The following USP5 variants were observed in gnomAD, a reference collection of about 807,000 sequenced individuals.
The protein encoded by USP5 is ubiquitin specific peptidase 5.
A neutral mutation model predicts 102.5 loss-of-function variants in USP5; 24 were observed. The ratio of observed to expected loss-of-function variants is 0.23; its 90% CI spans 0.17 to 0.33. USP5 has a LOEUF of 0.33. Among genes scored for constraint, USP5 ranks in the 10% least tolerant of loss-of-function variants. USP5 has a pLI of 1.00. For synonymous variants in USP5, 460 were observed against 434.8 expected (o/e 1.06, Z -0.72); for missense variants, 753 against 1,122.1 (o/e 0.67, Z 4.70).
In USP5 at chr12:6,865,923, A is replaced by G. The variant is rs980209494; in HGVS notation, c.2484-61A>G. On this transcript the variant is annotated intron_variant, in intron 19 of 19. Transcript: ENST00000229268. ...TTCCAGGGGCCATGTCTGAGAGACT[A>G]CATGATGCCACTTTGAATGCCCAGT... 1.4e-5 allele frequency: 20 copies of G among 1,452,182 alleles called. No homozygotes were observed. The African/African-American group carries it at 2.1e-4, about 15-fold the overall frequency. The allele number at this position is 1,452,182 out of a possible 1,614,324, so 90.0% of individuals were successfully genotyped here. A position where few individuals can be genotyped will look rare whatever the true frequency, so the allele number is the denominator to read the frequency against.
In USP5 at chr12:6,861,115, C is replaced by T; in HGVS notation, c.1498+9C>T. On this transcript the variant is annotated intron_variant, in intron 12 of 19. Transcript: ENST00000229268. This position sits in a 1 kb window ranked among gnomAD's most constrained non-coding sequence, Gnocchi z 4.9. The stretch of plus-strand genomic sequence containing the variant: ...TGCAGCCCTTAACAAAGGTAGGCTG[C>T]TCCATCAGCAAGGCCGTGGCACGGT... 2 of 1,613,774 alleles carry T rather than the reference C, an allele frequency of 1.2e-6. No individual in the cohort carries two copies. Among genetic ancestry groups the T allele is most frequent in the Non-Finnish European group, 1.7e-6 (2 of 1,179,798 alleles).
chr12:6,865,662 CGTT>C (rs1591612867), intron 19 of USP5, among the ~76,000 whole-genome samples: 1 of 152,180 alleles, frequency 6.6e-6, no homozygotes, highest in East Asian at 1.9e-4. Flanking sequence ...AAAGTTGAGT[CGTT>C]GTGTCAGAGA....
intron 1 of USP5, among the ~76,000 whole-genome samples, chr12:6,852,623 A>G (rs1943953168): frequency 1.3e-5 from 2 of 152,240 alleles, no homozygotes; most frequent in African/African-American, 4.8e-5. Flanking sequence ...AAAACCTGGC[A>G]GTCGGCCTTG....
At position 6,860,836 on chromosome 12, in the gene USP5, G is replaced by A. The variant is rs1345342038; in HGVS notation, c.1345-117G>A. The A allele has an allele frequency of 7.6e-6, 11 of 1,440,666 alleles. No individual in the cohort carries two copies. In the African/African-American group the frequency reaches 1.3e-4, roughly 17 times the overall value. The allele number at this position is 1,440,666 out of a possible 1,614,324, so 89.2% of individuals were successfully genotyped here. On this transcript the variant is annotated intron_variant, in intron 11 of 19. Coordinates refer to ENST00000229268, the MANE Select transcript of USP5 (RefSeq NM_001098536.2). This position sits in a 1 kb window ranked among gnomAD's most constrained non-coding sequence, Gnocchi z 5.5. ...TAGGGAAGGTTTCTGCTCTGCTCTTGTGTCCCTGAGTTCCGAGTGGTAGTC... is the reference window on the plus strand; with the variant it reads ...TAGGGAAGGTTTCTGCTCTGCTCTTATGTCCCTGAGTTCCGAGTGGTAGTC...
chr12:6,862,337 G>A, intron 13 of USP5, 133 bp from the exon 14 acceptor site: 1 of 774,444 alleles, frequency 1.3e-6, no homozygotes, highest in South Asian at 1.6e-5. Flanking sequence ...CCTGCCCAGG[G>A]GAAGAGAAGA....
Position 6,864,906 on chromosome 12 carries a change from G to A in USP5, c.2398+31G>A. On this transcript the variant is annotated intron_variant, in intron 18 of 19. Coordinates refer to ENST00000229268, the MANE Select transcript of USP5 (RefSeq NM_001098536.2). The surrounding 1 kb of genome is among the most constrained non-coding windows in gnomAD (Gnocchi z 4.8). ...TATCCCCAGGAAGCAGGACAGGCCT[G>A]GTGGAATCTGGTCAGTCTACTACAC... 3 of 1,604,292 alleles carry A rather than the reference G, an allele frequency of 1.9e-6. No homozygotes were observed. The highest frequency in any genetic ancestry group is 2.6e-6 in the Non-Finnish European group (3 of 1,174,444).
chr12:6,863,045 T>A lies in USP5; in HGVS notation c.1763-141T>A. ...AGGCTTAGTATTATTTGTCTTATAC[T>A]GGGACCCCTAAGATGGGTGCCGTGC... On this transcript the variant is annotated intron_variant, in intron 14 of 19. Coordinates refer to ENST00000229268, the MANE Select transcript of USP5 (RefSeq NM_001098536.2). The surrounding 1 kb of genome is among the most constrained non-coding windows in gnomAD (Gnocchi z 4.7). The A allele has an allele frequency of 1.3e-6, 1 of 761,012 alleles. No individual in the cohort carries two copies. 47.1% of individuals were successfully genotyped at this position (761,012 alleles called of 1,614,324 possible). A position where few individuals can be genotyped will look rare whatever the true frequency, so the allele number is the denominator to read the frequency against.
Position 6,864,122 on chromosome 12 carries a change from C to T in USP5, c.2171C>T (p.Pro724Leu). The T allele has an allele frequency of 6.2e-7, 1 of 1,614,122 alleles. No individual in the cohort carries two copies. The highest frequency in any genetic ancestry group is 8.5e-7 in the Non-Finnish European group (1 of 1,179,988). ...GSTSAAADPP[P>L]EDCVTTIVSM... The stretch of plus-strand genomic sequence containing the variant: ...ACAAGCGCAGCAGCCGACCCCCCTC[C>T]TGAGGACTGTGTGACCACCATTGTC... Residue 724 changes from proline to leucine, a missense_variant, in exon 17 of 20, where the codon CCT becomes CTT. Physicochemically the swap from Pro to Leu is moderately conservative, Grantham distance 98 (BLOSUM62 -3). Transcript: ENST00000229268. The surrounding 1 kb of genome is among the most constrained non-coding windows in gnomAD (Gnocchi z 4.8).
rs782547141 is a variant in USP5, at chr12:6,864,841, G to T, written c.2364G>T (p.Val788=). 1 of 1,613,770 alleles carries T rather than the reference G, an allele frequency of 6.2e-7. No homozygotes were observed. Among genetic ancestry groups the T allele is most frequent in the African/African-American group, 1.3e-5 (1 of 74,922 alleles). Residue 788 remains valine (V), a synonymous_variant, in exon 18 of 20, where the codon GTG becomes GTT. Transcript: ENST00000229268. This position sits in a 1 kb window ranked among gnomAD's most constrained non-coding sequence, Gnocchi z 4.8. ...RSAADSISES[V]PVGPKVRDGP... is the part of the protein sequence containing the mutation. ...CTGCCGACTCCATCTCTGAGTCTGT[G>T]CCAGTGGGACCTAAAGTCCGGGATG... is the stretch of plus-strand genomic sequence containing the variant.
chr12:6,858,308 G>A lies in USP5; in HGVS notation c.865-116G>A. On this transcript the variant is annotated intron_variant, in intron 7 of 19. Coordinates refer to ENST00000229268, the MANE Select transcript of USP5 (RefSeq NM_001098536.2). This position sits in a 1 kb window ranked among gnomAD's most constrained non-coding sequence, Gnocchi z 4.2. ...CAACATACCTCCCATGTTTGAGCCT[G>A]TAATTCCACAAATTCTAGGCCACAG... 1.8e-6 allele frequency: 2 copies of A among 1,120,424 alleles called. No homozygotes were observed. Among genetic ancestry groups the A allele is most frequent in the Admixed American group, 2.3e-5 (1 of 43,020 alleles). 69.4% of individuals were successfully genotyped at this position (1,120,424 alleles called of 1,614,324 possible).
rs898829517 is a variant in USP5 at position 6,858,863 on chromosome 12, A to C, written c.1058+246A>C. ...GCGAGACCCTGTCTTCTCTTAAAAA[A>C]AAAAAAGAATAATTCCTGTCACACT... On this transcript the variant is annotated intron_variant, in intron 8 of 19. Coordinates refer to ENST00000229268, the MANE Select transcript of USP5 (RefSeq NM_001098536.2). The surrounding 1 kb of genome is among the most constrained non-coding windows in gnomAD (Gnocchi z 4.2). The C allele has an allele frequency of 2.7e-6, 1 of 374,496 alleles. No homozygotes were observed. The highest frequency in any genetic ancestry group is 5.0e-6 in the Non-Finnish European group (1 of 201,928). 23.2% of individuals were successfully genotyped at this position (374,496 alleles called of 1,614,324 possible). A position where few individuals can be genotyped will look rare whatever the true frequency, so the allele number is the denominator to read the frequency against.
At chr12:6,865,538 C>T (rs1944419617) in intron 19 of USP5, among the ~76,000 whole-genome samples, 1 of 152,178 alleles carries the variant, frequency 6.6e-6, no homozygotes, top group African/African-American at 2.4e-5. Flanking sequence ...GCTAGGATTA[C>T]AGGCATGAGC....
At position 6,861,983 on chromosome 12, in the gene USP5, C is replaced by T. The variant is rs1944290720; in HGVS notation, c.1673+366C>T. Among the ~76,000 whole-genome samples, 2 of 152,014 alleles carry T rather than the reference C, an allele frequency of 1.3e-5. No homozygotes were observed. The highest frequency in any genetic ancestry group is 4.2e-4 in the South Asian group (2 of 4,812). On this transcript the variant is annotated intron_variant, in intron 13 of 19. Transcript: ENST00000229268. This position sits in a 1 kb window ranked among gnomAD's most constrained non-coding sequence, Gnocchi z 4.9. ...TTTGAGCCTAGCCATTGGCACCTGG[C>T]ATGGGTGTGAGACCTGAAAAAGGGC...
At position 6,855,514 on chromosome 12, in the gene USP5, G is replaced by A; in HGVS notation, c.225G>A (p.Arg75=). The A allele has an allele frequency of 6.2e-7, 1 of 1,614,166 alleles. No individual in the cohort carries two copies. The highest frequency in any genetic ancestry group is 1.1e-5 in the South Asian group (1 of 91,076). ...AGCGAGTCTACTTGCACCTCCGGCGGACCCGGCGCCCGGTAGGAGCAGGGC... is the reference window on the plus strand; with the variant it reads ...AGCGAGTCTACTTGCACCTCCGGCGAACCCGGCGCCCGGTAGGAGCAGGGC... ...TGQRVYLHLR[R]TRRPKEEDPA... The change falls in exon 2 of 20, where the codon CGG becomes CGA. Residue 75 remains arginine, a synonymous_variant. Transcript: ENST00000229268. This position sits in a 1 kb window ranked among gnomAD's most constrained non-coding sequence, Gnocchi z 4.6.
Position 6,856,359 on chromosome 12 carries a change from G to A in USP5, c.493G>A (p.Glu165Lys). The A allele has an allele frequency of 6.2e-7, 1 of 1,613,988 alleles. No homozygotes were observed. The highest frequency in any genetic ancestry group is 8.5e-7 in the Non-Finnish European group (1 of 1,179,982). The change falls in exon 5 of 20, where the codon GAG becomes AAG. Residue 165 changes from glutamate (E) to lysine (K), a missense_variant. Around this residue, in one of 3 missense-constraint regions of USP5, gnomAD observed 527 missense variants for 816.5 expected, o/e 0.65. Coordinates refer to ENST00000229268, the MANE Select transcript of USP5 (RefSeq NM_001098536.2). This position sits in a 1 kb window ranked among gnomAD's most constrained non-coding sequence, Gnocchi z 5.6. The stretch of plus-strand genomic sequence containing the variant: ...GGCCGACTCAGCCTCCCGCAAGCAG[G>A]AGGTGCAGGCATGGGATGGGGAAGT... ...LSADSASRKQEVQAWDGEVRQ... is the reference protein window; with the variant it reads ...LSADSASRKQKVQAWDGEVRQ...
chr12:6,855,570 C>T lies in USP5; in HGVS notation c.237+44C>T, dbSNP rs574813090. On this transcript the variant is annotated intron_variant, in intron 2 of 19. Coordinates refer to ENST00000229268, the MANE Select transcript of USP5 (RefSeq NM_001098536.2). The surrounding 1 kb of genome is among the most constrained non-coding windows in gnomAD (Gnocchi z 4.6). ...CAAGGCCTGGGTACATTGTCTGTTC[C>T]ATTCTGACCTCCTATTGGACTCAGT... 113 of 1,606,480 alleles carry T rather than the reference C, an allele frequency of 7.0e-5. 1 individual carries two copies. The Middle Eastern group carries it at 1.4e-3, about 19-fold the overall frequency.
rs1555130446 is a variant in USP5, at chr12:6,864,846, T to C, written c.2369T>C (p.Val790Ala). 1 of 1,613,966 alleles carries C rather than the reference T, an allele frequency of 6.2e-7. No homozygotes were observed. The highest frequency in any genetic ancestry group is 1.1e-5 in the South Asian group (1 of 91,078). The change falls in exon 18 of 20, where the codon GTG becomes GCG. Residue 790 changes from valine to alanine, a missense_variant. Physicochemically the swap from Val to Ala is moderately conservative, Grantham distance 64 (BLOSUM62 0). Around this residue, in one of 3 missense-constraint regions of USP5, gnomAD observed 193 missense variants for 230.2 expected, o/e 0.84. Coordinates refer to ENST00000229268, the MANE Select transcript of USP5 (RefSeq NM_001098536.2). The surrounding 1 kb of genome is among the most constrained non-coding windows in gnomAD (Gnocchi z 4.8). ...AADSISESVP[V>A]GPKVRDGPGK... is the part of the protein sequence containing the mutation. Reference sequence around the variant, plus strand: ...GACTCCATCTCTGAGTCTGTGCCAGTGGGACCTAAAGTCCGGGATGGTCCT... The same window carrying C: ...GACTCCATCTCTGAGTCTGTGCCAGCGGGACCTAAAGTCCGGGATGGTCCT...
Position 6,858,346 on chromosome 12 carries a change from C to T in USP5, c.865-78C>T, listed in dbSNP as rs114210148. ...TTCTAGGCCACAGTTGAGTATCATC[C>T]TAGACTCAGTGAGAGATCGAGGTAA... On this transcript the variant is annotated intron_variant, in intron 7 of 19. Transcript: ENST00000229268. The surrounding 1 kb of genome is among the most constrained non-coding windows in gnomAD (Gnocchi z 4.2). The T allele has an allele frequency of 3.8e-3, 5,571 of 1,473,904 alleles. 28 individuals carry two copies. The highest frequency in any genetic ancestry group is 0.021 in the African/African-American group (1,512 of 72,548). 91.3% of individuals were successfully genotyped at this position (1,473,904 alleles called of 1,614,324 possible).
Position 6,861,400 on chromosome 12 carries a change from A to G in USP5, c.1499-43A>G. ...TAGGGAGAGGCTAAGGAGGCAAAGA[A>G]GCAGCACCCTCCGAAGGATCCACCA... On this transcript the variant is annotated intron_variant, in intron 12 of 19. Coordinates refer to ENST00000229268, the MANE Select transcript of USP5 (RefSeq NM_001098536.2). The surrounding 1 kb of genome is among the most constrained non-coding windows in gnomAD (Gnocchi z 4.9). 6.5e-7 allele frequency: 1 copy of G among 1,527,444 alleles called. No individual in the cohort carries two copies. 94.6% of individuals were successfully genotyped at this position (1,527,444 alleles called of 1,614,324 possible).
Sources: gnomAD v4.1 joint callset for allele counts (sites outside exome capture counted in the v4.1 genomes callset) on GRCh38, gnomAD v4.1.1 for gene constraint, gnomAD v4.1.1 regional missense constraint, Gnocchi (gnomAD v3.1) non-coding constraint, MANE v1.5 for transcripts, NCBI Gene and HGNC (gene_info 2026-07-23, HGNC 2026-07-21) for gene names.